Variants in NRCAM observed in about 807,000 individuals in gnomAD.
NRCAM encodes NgCAM-related cell adhesion molecule.
A neutral mutation model predicts 156.5 loss-of-function variants in NRCAM; 83 were observed. The ratio of observed to expected loss-of-function variants is 0.53; its 90% CI spans 0.44 to 0.64. NRCAM has a LOEUF of 0.64. Among genes scored for constraint, NRCAM ranks in the 30% least tolerant of loss-of-function variants. The pLI is 0.00. For missense variants in NRCAM, 1,417 were observed against 1,597.3 expected (o/e 0.89, Z 1.92); for synonymous variants, 538 against 563.9 (o/e 0.95, Z 0.65).
intron 4 of NRCAM, among the ~76,000 whole-genome samples, chr7:108,239,576 T>C (rs559587287): frequency 6.6e-6 from 1 of 152,012 alleles, no homozygotes; most frequent in East Asian, 1.9e-4. Flanking sequence ...AAGGGATGAG[T>C]GGGGAGGTCT....
intron 1 of NRCAM, among the ~76,000 whole-genome samples, chr7:108,407,788 T>C (rs556555950): frequency 1.3e-5 from 2 of 152,368 alleles, no homozygotes; most frequent in African/African-American, 4.8e-5. Flanking sequence ...ATTGTGTTGA[T>C]GGTTTCACAG....
In NRCAM at chr7:108,148,518, TGATA is replaced by T. The variant is rs993313486; in HGVS notation, c.*1388_*1391del. 6.5e-6 allele frequency: 1 copy of T among 152,698 alleles called. No homozygotes were observed. Among genetic ancestry groups the T allele is most frequent in the African/African-American group, 2.4e-5 (1 of 41,476 alleles). 9.5% of individuals were successfully genotyped at this position (152,698 alleles called of 1,614,324 possible). On this transcript the variant is annotated 3_prime_UTR_variant, in exon 33 of 33. Transcript: ENST00000379028. Reference sequence around the variant, plus strand: ...TTTTCATATTTGGAGGTAACCCATTTGATAGATATTGTTTATGAATACGATAGAA... The same window carrying T: ...TTTTCATATTTGGAGGTAACCCATTTGATATTGTTTATGAATACGATAGAA...
chr7:108,184,529 G>T lies in NRCAM; in HGVS notation c.2121C>A (p.Ala707=). ...TCACGTAAGGAGACAGCTTCAGCTG[G>T]GCTGTGGTCTGTGTTCCAGAAACTT... ...QTEVSGTQTT[A]QLKLSPYVNY... The change falls in exon 21 of 33, where the codon GCC becomes GCA. Residue 707 remains alanine, a synonymous_variant. Transcript: ENST00000379028. 6.2e-7 allele frequency: 1 copy of T among 1,614,106 alleles called. No individual in the cohort carries two copies. The highest frequency in any genetic ancestry group is 1.7e-4 in the Middle Eastern group (1 of 6,046).
chr7:108,393,889 G>C (rs2099769449), intron 2 of NRCAM, among the ~76,000 whole-genome samples: 1 of 152,180 alleles, frequency 6.6e-6, no homozygotes, highest in Admixed American at 6.5e-5. Context: ...GATTGCTGCA[G>C]TTCAGGTTTC....
intron 2 of NRCAM, among the ~76,000 whole-genome samples, chr7:108,319,309 T>C (rs185414860): frequency 1.0e-3 from 153 of 152,356 alleles, no homozygotes; most frequent in African/African-American, 3.5e-3. Flanking sequence ...CATTAATTTA[T>C]TCAACAAATA....
intron 5 of NRCAM, among the ~76,000 whole-genome samples, chr7:108,236,579 T>C (rs1437483408): frequency 6.6e-6 from 1 of 152,128 alleles, no homozygotes; most frequent in Non-Finnish European, 1.5e-5. Context: ...AGAGGGAAAA[T>C]AAAGTTTAAA....
chr7:108,168,179 T>G (rs920244741), intron 29 of NRCAM, 98 bp downstream of exon 29: 106 of 1,239,798 alleles, frequency 8.5e-5, no homozygotes, highest in Non-Finnish European at 1.1e-4. Flanking sequence ...ATCAAGTTAT[T>G]TTTCAAGATG....
intron 3 of NRCAM, among the ~76,000 whole-genome samples, chr7:108,251,536 G>A (rs1464412174): frequency 6.6e-6 from 1 of 152,184 alleles, no homozygotes; most frequent in African/African-American, 2.4e-5. Flanking sequence ...CACCAATAAT[G>A]ATGGTTACTG....
chr7:108,200,283 G>A (rs1312440215), intron 13 of NRCAM, among the ~76,000 whole-genome samples: 2 of 152,174 alleles, frequency 1.3e-5, no homozygotes, highest in Non-Finnish European at 2.9e-5. Flanking sequence ...TCCTTCAACA[G>A]GGTATATAGA....
intron 1 of NRCAM, among the ~76,000 whole-genome samples, chr7:108,436,286 A>C (rs914368385): frequency 2.0e-5 from 3 of 152,206 alleles, no homozygotes; most frequent in Non-Finnish European, 4.4e-5. Context: ...AGTTTTATAA[A>C]GATTCTGAAT....
chr7:108,390,586 G>C (rs188417492), intron 2 of NRCAM, among the ~76,000 whole-genome samples: 1 of 152,136 alleles, frequency 6.6e-6, no homozygotes, highest in East Asian at 1.9e-4. Context: ...GTTCTGCTCT[G>C]ATCTTAGTTA....
At chr7:108,275,636 T>C (rs536923944) in intron 3 of NRCAM, among the ~76,000 whole-genome samples, 128 of 152,224 alleles carry the variant, frequency 8.4e-4, no homozygotes, top group Non-Finnish European at 1.6e-3. Context: ...TTTTCTTTAT[T>C]AGTCTTGCAG....
At chr7:108,452,051 T>G (rs1850978421) in intron 1 of NRCAM, among the ~76,000 whole-genome samples, 2 of 152,210 alleles carry the variant, frequency 1.3e-5, no homozygotes, top group African/African-American at 4.8e-5. Context: ...AATGAAGGAT[T>G]TACAGTTGCT....
At chr7:108,209,035 C>A (rs2082657523) in intron 12 of NRCAM, among the ~76,000 whole-genome samples, 1 of 152,114 alleles carries the variant, frequency 6.6e-6, no homozygotes, top group Non-Finnish European at 1.5e-5. Flanking sequence ...TAAAACTTCC[C>A]CAGTAATTAA....
Position 108,198,072 on chromosome 7 carries a change from A to G in NRCAM, c.1235T>C (p.Ile412Thr). ...EIAPDDPSRK[I>T]DGDTIIFSNV... Reference sequence around the variant, plus strand: ...TGAAAAAATAATGGTATCGCCATCTATTTTTCTGCTGGGGTCATCAGGGGC... The same window carrying G: ...TGAAAAAATAATGGTATCGCCATCTGTTTTTCTGCTGGGGTCATCAGGGGC... Residue 412 changes from isoleucine to threonine, a missense_variant, in exon 14 of 33, where the codon ATA (isoleucine) becomes ACA (threonine). Transcript: ENST00000379028. 2 of 1,607,950 alleles carry G rather than the reference A, an allele frequency of 1.2e-6. No individual in the cohort carries two copies. The highest frequency in any genetic ancestry group is 1.1e-5 in the South Asian group (1 of 89,916).
At chr7:108,208,219 T>C (rs1023461613) in intron 12 of NRCAM, among the ~76,000 whole-genome samples, 4 of 151,664 alleles carry the variant, frequency 2.6e-5, no homozygotes, top group African/African-American at 7.3e-5. Flanking sequence ...GGCAGGAGAA[T>C]TGCTTGAACC....
rs552539057 is a variant in NRCAM at position 108,375,505 on chromosome 7, C to T, written c.-174+23931G>A. On this transcript the variant is annotated intron_variant, in intron 2 of 32. Coordinates refer to ENST00000379028, the MANE Select transcript of NRCAM (RefSeq NM_001037132.4). Reference sequence around the variant, plus strand: ...AGAATTTAAGACTACTCAGGAAAAGCCTGGAAATAAAAGGATCATAGTCTT... The same window carrying T: ...AGAATTTAAGACTACTCAGGAAAAGTCTGGAAATAAAAGGATCATAGTCTT... Among the ~76,000 whole-genome samples the T allele has an allele frequency of 3.0e-4, 45 of 152,092 alleles. No homozygotes were observed. In the Middle Eastern group the frequency reaches 0.014, roughly 46 times the overall value.
At chr7:108,374,587 T>C (rs1200332146) in intron 2 of NRCAM, among the ~76,000 whole-genome samples, 3 of 152,276 alleles carry the variant, frequency 2.0e-5, no homozygotes, top group East Asian at 1.9e-4. Context: ...ATTAAGCATA[T>C]GTAGAAAGAT....
At chr7:108,198,151 T>A in intron 13 of NRCAM, 52 bp from the exon 14 acceptor site, 1 of 1,450,674 alleles carries the variant, frequency 6.9e-7, no homozygotes, top group Non-Finnish European at 9.3e-7. Context: ...TTAAAAGATG[T>A]ATATTAAGCT....
Sources: gnomAD v4.1 joint callset for allele counts (sites outside exome capture counted in the v4.1 genomes callset) on GRCh38, gnomAD v4.1.1 for gene constraint, MANE v1.5 for transcripts, NCBI Gene and HGNC (gene_info 2026-07-23, HGNC 2026-07-21) for gene names.